Variants in BZW1 observed in about 807,000 individuals in gnomAD.
BZW1 encodes basic leucine zipper and W2 domains 1.
In BZW1, 3 loss-of-function variants were observed where a neutral mutation model predicts 54.1. That is an observed-to-expected ratio of 0.06 (90% CI 0.03 to 0.14). The LOEUF (loss-of-function observed/expected upper bound fraction) is 0.14. Among genes scored for constraint, BZW1 ranks in the 10% least tolerant of loss-of-function variants. The pLI is 1.00. For missense variants in BZW1, 206 were observed against 491.7 expected (o/e 0.42, Z 5.50); for synonymous variants, 152 against 162.7 (o/e 0.93, Z 0.50).
At chr2:200,819,925 T>C in intron 9 of BZW1, 57 bp from the exon 10 acceptor site, 1 of 1,407,280 alleles carries the variant, frequency 7.1e-7, no homozygotes, top group Non-Finnish European at 9.4e-7. Flanking sequence ...GTAGGAGTTT[T>C]GTAATGGATG....
In BZW1 at chr2:200,815,378, C is replaced by G; in HGVS notation, c.102C>G (p.Asp34Glu). The change falls in exon 3 of 12, where the codon GAC becomes GAG. Residue 34 changes from aspartate (D) to glutamate (E), a missense_variant. Around this residue, in one of 5 missense-constraint regions of BZW1, gnomAD observed 26 missense variants for 26.9 expected, o/e 0.97. Transcript: ENST00000409600. ...GGTTTGACCCTACTCAGTTTCAAGA[C>G]TGTATTATTCAAGGCTTAACTGAAA... is the stretch of plus-strand genomic sequence containing the variant. ...KERFDPTQFQ[D>E]CIIQGLTETG... is the part of the protein sequence containing the mutation. 6.2e-7 allele frequency: 1 copy of G among 1,613,842 alleles called. No homozygotes were observed. Among genetic ancestry groups the G allele is most frequent in the Non-Finnish European group, 8.5e-7 (1 of 1,179,822 alleles).
intron 5 of BZW1, 137 bp downstream of exon 5, chr2:200,816,527 G>A: frequency 1.9e-6 from 1 of 535,382 alleles, no homozygotes; most frequent in Non-Finnish European, 3.1e-6. Context: ...GCCTCACTCT[G>A]TGTCCCAGGC....
chr2:200,812,136 G>A, intron 1 of BZW1, 146 bp downstream of exon 1: 1 of 985,914 alleles, frequency 1.0e-6, no homozygotes, highest in Non-Finnish European at 1.3e-6. Flanking sequence ...CGGATCTAGG[G>A]CCTGAAAGGC....
upstream of BZW1, chr2:200,811,909 T>G: frequency 4.6e-6 from 1 of 216,838 alleles, no homozygotes; most frequent in Non-Finnish European, 9.1e-6. Context: ...CTCCTGGCGT[T>G]AGTTCCGGTC....
intron 9 of BZW1, 70 bp from the exon 10 acceptor site, chr2:200,819,912 A>G (rs1575058038): frequency 2.3e-6 from 3 of 1,319,590 alleles, no homozygotes; most frequent in Admixed American, 3.1e-5. Context: ...TATTGTCTGT[A>G]TTGTAGGAGT....
chr2:200,812,981 A>T (rs917887632), intron 1 of BZW1: 1 of 690,458 alleles, frequency 1.4e-6, no homozygotes, highest in Non-Finnish European at 2.7e-6. Flanking sequence ...AAAGTAGTTC[A>T]CAGCACTAAT....
At position 200,826,401 on chromosome 2, in the gene BZW1, ATAGATATTTTTTTT is replaced by A. The variant is rs2038697183; in HGVS notation, c.*4225_*4238del. On this transcript the variant is annotated 3_prime_UTR_variant, in exon 12 of 12. Coordinates refer to ENST00000409600, the MANE Select transcript of BZW1 (RefSeq NM_001207067.2). ...GATAGATAGATAGATAGATAGATAG[ATAGATATTTTTTTT>A]TTTTTTTTTTTTTTTTTTTTTTTTT... 1.5e-5 allele frequency: 1 copy of A among 65,172 alleles called. No individual in the cohort carries two copies. Among genetic ancestry groups the A allele is most frequent in the African/African-American group, 5.5e-5 (1 of 18,090 alleles). The allele number at this position is 65,172 out of a possible 1,614,324, so 4.0% of individuals were successfully genotyped here.
chr2:200,818,203 C>T lies in BZW1; in HGVS notation c.649-20C>T. 1 of 1,541,600 alleles carries T rather than the reference C, an allele frequency of 6.5e-7. No individual in the cohort carries two copies. The highest frequency in any genetic ancestry group is 1.4e-5 in the African/African-American group (1 of 72,046). On this transcript the variant is annotated intron_variant, in intron 7 of 11. Transcript: ENST00000409600. ...TAATCTGATTTAAAGAAAGTTTAACCAGATAAATTCTTCTTTTAGGAACTC... is the reference window on the plus strand; with the variant it reads ...TAATCTGATTTAAAGAAAGTTTAACTAGATAAATTCTTCTTTTAGGAACTC...
intron 2 of BZW1, 76 bp downstream of exon 2, chr2:200,813,357 T>C: frequency 7.6e-7 from 1 of 1,310,008 alleles, no homozygotes; most frequent in South Asian, 1.3e-5. Context: ...TGACAGGTAC[T>C]TGCATATTAC....
Position 200,826,418 on chromosome 2 carries a change from T to TGATAGATAGA in BZW1, c.*4240_*4241insGATAGATAGA, listed in dbSNP as rs1559318443. On this transcript the variant is annotated 3_prime_UTR_variant, in exon 12 of 12. Transcript: ENST00000409600. Reference sequence around the variant, plus strand: ...ATAGATAGATAGATATTTTTTTTTTTTTTTTTTTTTTTTTTTTTTTTTTTG... The same window carrying TGATAGATAGA: ...ATAGATAGATAGATATTTTTTTTTTTGATAGATAGATTTTTTTTTTTTTTTTTTTTTTTTG... 16 of 76,224 alleles carry TGATAGATAGA rather than the reference T, an allele frequency of 2.1e-4. No homozygotes were observed. The highest frequency in any genetic ancestry group is 5.6e-4 in the East Asian group (1 of 1,780). The allele number at this position is 76,224 out of a possible 1,614,324, so 4.7% of individuals were successfully genotyped here.
intron 8 of BZW1, 74 bp from the exon 9 acceptor site, chr2:200,818,681 G>A: frequency 6.8e-7 from 1 of 1,480,880 alleles, no homozygotes; most frequent in Non-Finnish European, 9.1e-7. Flanking sequence ...TTTTGTTAAA[G>A]GTCTAAACTT....
At chr2:200,815,247 C>T (rs964527215) in intron 2 of BZW1, 94 bp from the exon 3 acceptor site, 6 of 1,268,792 alleles carry the variant, frequency 4.7e-6, no homozygotes, top group Non-Finnish European at 4.3e-6. Flanking sequence ...TTTAATCTAA[C>T]TTATTTAACA....
At chr2:200,818,170 GT>G in intron 7 of BZW1, 52 bp from the exon 8 acceptor site, 1 of 1,512,388 alleles carries the variant, frequency 6.6e-7, no homozygotes, top group Non-Finnish European at 8.9e-7. Context: ...AAAAGAAAGT[GT>G]TTTTCTTAAT....
intron 1 of BZW1, chr2:200,812,212 C>T (rs1186649275): frequency 2.4e-6 from 3 of 1,226,022 alleles, no homozygotes; most frequent in East Asian, 3.2e-5. Context: ...TCCGGGTGTG[C>T]GCCGCGGCGC....
Position 200,824,165 on chromosome 2 carries a change from A to G in BZW1, c.*1987A>G, listed in dbSNP as rs1012768857. The G allele has an allele frequency of 2.0e-5, 3 of 152,214 alleles. No individual in the cohort carries two copies. Among genetic ancestry groups the G allele is most frequent in the Non-Finnish European group, 4.4e-5 (3 of 68,022 alleles). The allele number at this position is 152,214 out of a possible 1,614,324, so 9.4% of individuals were successfully genotyped here. A position where few individuals can be genotyped will look rare whatever the true frequency, so the allele number is the denominator to read the frequency against. On this transcript the variant is annotated 3_prime_UTR_variant, in exon 12 of 12. Coordinates refer to ENST00000409600, the MANE Select transcript of BZW1 (RefSeq NM_001207067.2). ...CACTGTAGTGTTTACTTAGTAGAAC[A>G]TTATAGTAAGTGGATATCACTTGTG...
At chr2:200,816,594 C>T (rs1036062571) in intron 5 of BZW1, among the ~76,000 whole-genome samples, 2 of 152,118 alleles carry the variant, frequency 1.3e-5, no homozygotes, top group African/African-American at 4.8e-5. Context: ...CGGGTTCAAG[C>T]GATTCTCGTG....
At chr2:200,813,759 TATTAGA>T (rs1471584425) in intron 2 of BZW1, among the ~76,000 whole-genome samples, 1 of 152,156 alleles carries the variant, frequency 6.6e-6, no homozygotes, top group Non-Finnish European at 1.5e-5. Flanking sequence ...GTAGAAAAAG[TATTAGA>T]ATTATATTAC....
intron 1 of BZW1, chr2:200,812,487 C>G: frequency 7.4e-7 from 1 of 1,343,112 alleles, no homozygotes; most frequent in South Asian, 1.9e-5. Flanking sequence ...CCACCGCAGG[C>G]GACAGGGTCA....
intron 4 of BZW1, among the ~76,000 whole-genome samples, 192 bp from the exon 5 acceptor site, chr2:200,816,133 C>T (rs1447132201): frequency 6.6e-6 from 1 of 152,186 alleles, no homozygotes; most frequent in East Asian, 1.9e-4. Flanking sequence ...TGGAAAGTTT[C>T]ATACGTAGTT....
Sources: gnomAD v4.1 joint callset for allele counts (sites outside exome capture counted in the v4.1 genomes callset) on GRCh38, gnomAD v4.1.1 for gene constraint, gnomAD v4.1.1 regional missense constraint, MANE v1.5 for transcripts, NCBI Gene and HGNC (gene_info 2026-07-23, HGNC 2026-07-21) for gene names.